BARHL2: variants seen among roughly 807,000 people sequenced by gnomAD.
The protein encoded by BARHL2 is barH-like 2 homeobox protein.
Under a neutral mutation model 27.1 loss-of-function variants are expected in BARHL2, and 10 were observed. That is an observed-to-expected ratio of 0.37 (90% CI 0.23 to 0.63). The LOEUF (loss-of-function observed/expected upper bound fraction) is 0.63, where lower values mean the gene tolerates loss of function less well. Among genes scored for constraint, BARHL2 ranks in the 20% least tolerant of loss-of-function variants. BARHL2 has a pLI of 0.65. For synonymous variants in BARHL2, 248 were observed against 224.7 expected (o/e 1.10, Z -0.93); for missense variants, 483 against 533.5 (o/e 0.91, Z 0.93).
chr1:90,715,485 G>A (rs990574429), intron 1 of BARHL2, among the ~76,000 whole-genome samples: 13 of 152,054 alleles, frequency 8.5e-5, no homozygotes, highest in Admixed American at 6.6e-4. Context: ...GTTTGTACCC[G>A]TTTGTGCAGT....
At position 90,711,719 on chromosome 1, in the gene BARHL2, TCA is replaced by T. The variant is rs1175869888; in HGVS notation, c.*591_*592del. On this transcript the variant is annotated 3_prime_UTR_variant, in exon 3 of 3. Coordinates refer to ENST00000370445, the MANE Select transcript of BARHL2 (RefSeq NM_020063.2). ...ATAAATATGATATATCACTTATCAC[TCA>T]GTCTTTCAAATGTACATTTTTTTCA... is the stretch of plus-strand genomic sequence containing the variant. The T allele has an allele frequency of 1.3e-5, 2 of 152,136 alleles. No homozygotes were observed. Among genetic ancestry groups the T allele is most frequent in the Admixed American group, 6.5e-5 (1 of 15,286 alleles). 9.4% of individuals were successfully genotyped at this position (152,136 alleles called of 1,614,324 possible).
At position 90,716,918 on chromosome 1, in the gene BARHL2, T is replaced by C; in HGVS notation, c.278A>G (p.Gln93Arg). The C allele has an allele frequency of 6.2e-7, 1 of 1,607,088 alleles. No homozygotes were observed. The highest frequency in any genetic ancestry group is 8.5e-7 in the Non-Finnish European group (1 of 1,178,048). ...QHHHHLHHSQ[Q>R]PPPPAAAPTQ... ...CGGGGCCGCGGCCGGCGGCGGCGGC[T>C]GCTGGCTGTGGTGGAGGTGGTGATG... The change falls in exon 1 of 3, where the codon CAG (glutamine) becomes CGG (arginine). Residue 93 changes from glutamine (Q) to arginine (R), a missense_variant. Physicochemically the swap from Gln to Arg is conservative, Grantham distance 43. Around this residue, in one of 3 missense-constraint regions of BARHL2, gnomAD observed 304 missense variants for 284.9 expected, o/e 1.07. Coordinates refer to ENST00000370445, the MANE Select transcript of BARHL2 (RefSeq NM_020063.2).
Position 90,714,516 on chromosome 1 carries a change from A to G in BARHL2, c.851+15T>C. ...ATGGCCAGACACCTTTGCTCCCCCA[A>G]AGTGCCTCCCTTACCTGCGGTTCTG... On this transcript the variant is annotated intron_variant, in intron 2 of 2. Transcript: ENST00000370445. The G allele has an allele frequency of 6.2e-7, 1 of 1,613,094 alleles. No homozygotes were observed. Among genetic ancestry groups the G allele is most frequent in the Non-Finnish European group, 8.5e-7 (1 of 1,179,094 alleles).
intron 1 of BARHL2, among the ~76,000 whole-genome samples, chr1:90,715,780 T>C (rs1658130897): frequency 6.6e-6 from 1 of 152,132 alleles, no homozygotes; most frequent in Non-Finnish European, 1.5e-5. Context: ...CATTTACTTA[T>C]GAAATTGTCT....
chr1:90,716,310 C>T (rs1658143070), intron 1 of BARHL2, among the ~76,000 whole-genome samples: 1 of 152,168 alleles, frequency 6.6e-6, no homozygotes, highest in South Asian at 2.1e-4. Flanking sequence ...CCCTCAACCC[C>T]CAGTAGATTA....
Position 90,714,590 on chromosome 1 carries a change from G to A in BARHL2, c.792C>T (p.Asp264=). Residue 264 remains aspartate (D), a synonymous_variant, in exon 2 of 3, where the codon GAC becomes GAT. Transcript: ENST00000370445. The part of the protein sequence containing the change: ...QKYLSVQDRM[D]LAAALNLTDT... ...CAGTGAGGTTGAGCGCTGCAGCCAG[G>A]TCCATGCGATCCTGCACGCTCAGGT... 1.2e-6 allele frequency: 2 copies of A among 1,614,222 alleles called. No individual in the cohort carries two copies. The highest frequency in any genetic ancestry group is 1.3e-5 in the African/African-American group (1 of 75,056).
chr1:90,712,082 T>G lies in BARHL2; in HGVS notation c.*230A>C. Reference sequence around the variant, plus strand: ...AGCATTTTCACCAGTCACACTGCTGTGGGGGAGATTTCCAGCCCTGTTTCT... The same window carrying G: ...AGCATTTTCACCAGTCACACTGCTGGGGGGGAGATTTCCAGCCCTGTTTCT... On this transcript the variant is annotated 3_prime_UTR_variant, in exon 3 of 3. Transcript: ENST00000370445. The G allele has an allele frequency of 2.4e-6, 1 of 416,590 alleles. No individual in the cohort carries two copies. The highest frequency in any genetic ancestry group is 4.2e-6 in the Non-Finnish European group (1 of 238,972). The allele number at this position is 416,590 out of a possible 1,614,324, so 25.8% of individuals were successfully genotyped here.
At position 90,712,336 on chromosome 1, in the gene BARHL2, G is replaced by A. The variant is rs746670217; in HGVS notation, c.1140C>T (p.Ile380=). The A allele has an allele frequency of 1.1e-5, 17 of 1,484,354 alleles. No homozygotes were observed. In the South Asian group the frequency reaches 2.1e-4, roughly 19 times the overall value. The allele number at this position is 1,484,354 out of a possible 1,614,324, so 91.9% of individuals were successfully genotyped here. ...TTCACCGGGGGTGTGGGGTGCCTGG[G>A]ATGGGGCTGGACAATGGATTAAGGG... ...QPALNPLSSP[I]PGTPHPR is the part of the protein sequence containing the mutation. Residue 380 remains isoleucine, a synonymous_variant, in exon 3 of 3, where the codon ATC becomes ATT. Coordinates refer to ENST00000370445, the MANE Select transcript of BARHL2 (RefSeq NM_020063.2).
Position 90,716,571 on chromosome 1 carries a change from C to A in BARHL2, c.625G>T (p.Gly209Trp). The part of the protein sequence containing the change: ...EDSQSDIKCH[G>W]TKEEGDREIT... ...GAGAGCGCCGGGTGGCGGGACTCAC[C>A]GTGGCATTTGATGTCGCTCTGGGAA... The change falls in exon 1 of 3, where the codon GGG becomes TGG. Residue 209 changes from glycine (G) to tryptophan (W), a missense_variant and splice_region_variant. Physicochemically the swap from Gly to Trp is radical, Grantham distance 184 (BLOSUM62 -2). Around this residue, in one of 3 missense-constraint regions of BARHL2, gnomAD observed 304 missense variants for 284.9 expected, o/e 1.07. Coordinates refer to ENST00000370445, the MANE Select transcript of BARHL2 (RefSeq NM_020063.2). 6.2e-7 allele frequency: 1 copy of A among 1,614,040 alleles called. No homozygotes were observed. Among genetic ancestry groups the A allele is most frequent in the Non-Finnish European group, 8.5e-7 (1 of 1,179,982 alleles).
Position 90,714,755 on chromosome 1 carries a change from C to T in BARHL2, c.627G>A (p.Gly209=). 2 of 1,614,126 alleles carry T rather than the reference C, an allele frequency of 1.2e-6. No homozygotes were observed. The highest frequency in any genetic ancestry group is 8.5e-7 in the Non-Finnish European group (1 of 1,179,986). ...EDSQSDIKCH[G]TKEEGDREIT... is the part of the protein sequence containing the mutation. ...TCTCCCGGTCTCCTTCCTCCTTTGT[C>T]CCTACCATAGAAACCCAGCCACGGT... The change falls in exon 2 of 3, where the codon GGG becomes GGA. Residue 209 remains glycine (G), a splice_region_variant and synonymous_variant. Coordinates refer to ENST00000370445, the MANE Select transcript of BARHL2 (RefSeq NM_020063.2).
chr1:90,714,782 G>GT (rs1658109779), intron 1 of BARHL2, 26 bp from the exon 2 acceptor site: 2 of 1,610,024 alleles, frequency 1.2e-6, no homozygotes, highest in African/African-American at 2.7e-5. Context: ...AGCCACGGTG[G>GT]TAAGTTAGCC....
In BARHL2 at chr1:90,716,900, G is replaced by A. The variant is rs764698944; in HGVS notation, c.296C>T (p.Ala99Val). 6 of 1,597,700 alleles carry A rather than the reference G, an allele frequency of 3.8e-6. No individual in the cohort carries two copies. The Admixed American group carries it at 5.2e-5, about 14-fold the overall frequency. Residue 99 changes from alanine to valine, a missense_variant, in exon 1 of 3, where the codon GCG becomes GTG. Transcript: ENST00000370445. The stretch of plus-strand genomic sequence containing the variant: ...AGGCTGCAAACTTTGCGTCGGGGCC[G>A]CGGCCGGCGGCGGCGGCTGCTGGCT... Reference protein sequence around the residue: ...HHSQQPPPPAAAPTQSLQPLP... With the variant: ...HHSQQPPPPAVAPTQSLQPLP...
intron 2 of BARHL2, among the ~76,000 whole-genome samples, 193 bp from the exon 3 acceptor site, chr1:90,712,817 C>T (rs1222457804): frequency 6.6e-6 from 1 of 152,180 alleles, no homozygotes; most frequent in Non-Finnish European, 1.5e-5. Context: ...GACCCAAACC[C>T]AAAGCCAGTT....
At position 90,712,478 on chromosome 1, in the gene BARHL2, GCCGCCGCCGCCGTAGTGCTGTCCAT is replaced by G; in HGVS notation, c.973_997del (p.Met325LeufsTer33). ...CATGCTGCTGTACATGGCAGCGGCA[GCCGCCGCCGCCGTAGTGCTGTCCAT>G]GCTGCCCAGCAGGCTTGGGTGATAG... On this transcript the variant is annotated frameshift_variant, in exon 3 of 3. Transcript: ENST00000370445. LOFTEE classifies it high-confidence loss of function. 6.2e-7 allele frequency: 1 copy of G among 1,609,482 alleles called. No individual in the cohort carries two copies. The highest frequency in any genetic ancestry group is 8.5e-7 in the Non-Finnish European group (1 of 1,178,308).
intron 1 of BARHL2, among the ~76,000 whole-genome samples, chr1:90,715,445 G>A (rs1228239262): frequency 1.3e-5 from 2 of 152,050 alleles, no homozygotes; most frequent in African/African-American, 4.8e-5. Flanking sequence ...TTACTGAAAT[G>A]CTGGGAAATC....
At position 90,716,584 on chromosome 1, in the gene BARHL2, G is replaced by A; in HGVS notation, c.612C>T (p.Asp204=). The A allele has an allele frequency of 2.5e-6, 4 of 1,614,174 alleles. No homozygotes were observed. The highest frequency in any genetic ancestry group is 3.4e-6 in the Non-Finnish European group (4 of 1,180,016). The change falls in exon 1 of 3, where the codon GAC becomes GAT. Residue 204 remains aspartate (D), a synonymous_variant. Transcript: ENST00000370445. ...GGCGGGACTCACCGTGGCATTTGAT[G>A]TCGCTCTGGGAATCCTCCCGCTTGT... The part of the protein sequence containing the change: ...KLDKREDSQS[D]IKCHGTKEEG...
chr1:90,715,170 CT>C (rs35625130), intron 1 of BARHL2, among the ~76,000 whole-genome samples: 17,842 of 66,598 alleles, frequency 0.27, 1,733 homozygotes, highest in Admixed American at 0.32. Flanking sequence ...TCCCTCTACT[CT>C]TTTTTTTTTT....
chr1:90,713,954 G>T (rs1487626280), intron 2 of BARHL2, among the ~76,000 whole-genome samples: 1 of 152,180 alleles, frequency 6.6e-6, no homozygotes, highest in Non-Finnish European at 1.5e-5. Flanking sequence ...TCCAGGCTGC[G>T]GCTGCCAAAC....
chr1:90,717,020 C>T lies in BARHL2; in HGVS notation c.176G>A (p.Gly59Glu). Residue 59 changes from glycine (G) to glutamate (E), a missense_variant, in exon 1 of 3, where the codon GGG (glycine) becomes GAG (glutamate). Around this residue, in one of 3 missense-constraint regions of BARHL2, gnomAD observed 304 missense variants for 284.9 expected, o/e 1.07. Coordinates refer to ENST00000370445, the MANE Select transcript of BARHL2 (RefSeq NM_020063.2). The stretch of plus-strand genomic sequence containing the variant: ...TGAGATAGGAGAAGAAGGCGCCGTC[C>T]CTACGGTATCAATCTCCGAACAGGG... ...PSPCSEIDTVGTAPSSPISVT... is the reference protein window; with the variant it reads ...PSPCSEIDTVETAPSSPISVT... 6.2e-7 allele frequency: 1 copy of T among 1,613,822 alleles called. No individual in the cohort carries two copies. The highest frequency in any genetic ancestry group is 8.5e-7 in the Non-Finnish European group (1 of 1,179,934).
Sources: gnomAD v4.1 joint callset for allele counts (sites outside exome capture counted in the v4.1 genomes callset) on GRCh38, gnomAD v4.1.1 for gene constraint, gnomAD v4.1.1 regional missense constraint, MANE v1.5 for transcripts, NCBI Gene and HGNC (gene_info 2026-07-23, HGNC 2026-07-21) for gene names.